The following ZNF30 variants were observed in gnomAD, a reference collection of about 807,000 sequenced individuals.
ZNF30 encodes the protein zinc finger protein 30 (KOX 28).
In ZNF30, 15 loss-of-function variants were observed where a neutral mutation model predicts 13.2. That is an observed-to-expected ratio of 1.13 (90% confidence interval 0.76 to 1.75). The LOEUF is 1.75. ZNF30 is among the 40% of genes most tolerant of loss of function. The probability of loss-of-function intolerance (pLI) is 0.00; values close to 1 mark genes in which losing one functional copy is unlikely to be tolerated. For synonymous variants in ZNF30, 223 were observed against 256.6 expected, an observed-to-expected ratio of 0.87 and a Z score of 1.25; for missense variants, 726 against 757.0, an observed-to-expected ratio of 0.96 and a Z score of 0.48.
chr19:34,930,359 G>A (rs919255961), intron 2 of ZNF30, among the ~76,000 whole-genome samples: 6 of 152,158 alleles, frequency 3.9e-5, no homozygotes, highest in South Asian at 4.1e-4. Context: ...GTATTGATTG[G>A]TCTCAATATG....
Position 34,933,656 on chromosome 19 carries a change from C to A in ZNF30, c.189C>A (p.Ile63=). The A allele has an allele frequency of 6.2e-7, 1 of 1,601,354 alleles. No individual in the cohort carries two copies. Among genetic ancestry groups the A allele is most frequent in the South Asian group, 1.1e-5 (1 of 88,314 alleles). Residue 63 remains isoleucine, a synonymous_variant, in exon 4 of 5, where the codon ATC becomes ATA. Transcript: ENST00000601142. ...MGHSRSKPHV[I]ALLEQWKEPE... is the part of the protein sequence containing the mutation. ...ATTCCCGTTCTAAACCACATGTGAT[C>A]GCCTTATTGGAACAATGGAAAGAGC...
In ZNF30 at chr19:34,944,333, A is replaced by T; in HGVS notation, c.1367A>T (p.Tyr456Phe). The T allele has an allele frequency of 6.2e-7, 1 of 1,614,072 alleles. No homozygotes were observed. The highest frequency in any genetic ancestry group is 8.5e-7 in the Non-Finnish European group (1 of 1,180,004). ...AGGGTTCATACTGGAGAGAAACCCTATGAGTGTAAGGAATGTGGCAAGGCC... is the reference window on the plus strand; with the variant it reads ...AGGGTTCATACTGGAGAGAAACCCTTTGAGTGTAAGGAATGTGGCAAGGCC... The part of the protein sequence containing the change: ...HQRVHTGEKP[Y>F]ECKECGKAFR... The change falls in exon 5 of 5, where the codon TAT (tyrosine) becomes TTT (phenylalanine). Residue 456 changes from tyrosine to phenylalanine, a missense_variant. Physicochemically the swap from Tyr to Phe is conservative, Grantham distance 22. Coordinates refer to ENST00000601142, the MANE Select transcript of ZNF30 (RefSeq NM_194325.3).
rs2151677595 is a variant in ZNF30, at chr19:34,944,358, C to G, written c.1392C>G (p.Ala464=). Reference sequence around the variant, plus strand: ...ATGAGTGTAAGGAATGTGGCAAGGCCTTCAGAGTGCACGTACATCTCACAC... The same window carrying G: ...ATGAGTGTAAGGAATGTGGCAAGGCGTTCAGAGTGCACGTACATCTCACAC... ...KPYECKECGK[A]FRVHVHLTQH... The change falls in exon 5 of 5, where the codon GCC becomes GCG. Residue 464 remains alanine (A), a synonymous_variant. Coordinates refer to ENST00000601142, the MANE Select transcript of ZNF30 (RefSeq NM_194325.3). The G allele has an allele frequency of 6.2e-7, 1 of 1,614,146 alleles. No homozygotes were observed. Among genetic ancestry groups the G allele is most frequent in the East Asian group, 2.2e-5 (1 of 44,876 alleles).
Position 34,933,728 on chromosome 19 carries a change from G to T in ZNF30, c.256+5G>T, listed in dbSNP as rs1238047692. The T allele has an allele frequency of 6.4e-7, 1 of 1,566,234 alleles. No homozygotes were observed. The highest frequency in any genetic ancestry group is 1.9e-5 in the Admixed American group (1 of 53,692). ...ATGGAAGAAGATGGTGCACAGGTGA[G>T]TAAGAGCATGGCAGGTAGGGAGGCC... On this transcript the variant is annotated splice_donor_5th_base_variant and intron_variant, in intron 4 of 4. Coordinates refer to ENST00000601142, the MANE Select transcript of ZNF30 (RefSeq NM_194325.3).
Position 34,943,423 on chromosome 19 carries a change from T to A in ZNF30, c.457T>A (p.Cys153Ser), listed in dbSNP as rs1358297877. ...TGAAAAACCCAACAGATGTAAAGAA[T>A]GTGGGAAGAACTTTAGTAATGGACA... ...SSEKPNRCKE[C>S]GKNFSNGHQL... is the part of the protein sequence containing the mutation. Residue 153 changes from cysteine to serine, a missense_variant, in exon 5 of 5, where the codon TGT becomes AGT. Transcript: ENST00000601142. 1 of 1,613,902 alleles carries A rather than the reference T, an allele frequency of 6.2e-7. No individual in the cohort carries two copies. The highest frequency in any genetic ancestry group is 1.1e-5 in the South Asian group (1 of 91,056).
At chr19:34,941,072 A>G (rs1354372310) in intron 4 of ZNF30, among the ~76,000 whole-genome samples, 1 of 152,222 alleles carries the variant, frequency 6.6e-6, no homozygotes, top group Non-Finnish European at 1.5e-5. Context: ...TAAACAATGT[A>G]TTTTGAACCA....
chr19:34,943,508 G>A lies in ZNF30; in HGVS notation c.542G>A (p.Cys181Tyr), dbSNP rs951193080. 1.2e-6 allele frequency: 2 copies of A among 1,613,588 alleles called. No individual in the cohort carries two copies. Among genetic ancestry groups the A allele is most frequent in the East Asian group, 4.5e-5 (2 of 44,894 alleles). The change falls in exon 5 of 5, where the codon TGT (cysteine) becomes TAT (tyrosine). Residue 181 changes from cysteine (C) to tyrosine (Y), a missense_variant. Transcript: ENST00000601142. ...GAGAAACCCTATAAATATGAAAAATGTGGGAAGGCCTTTATCAGTGGCTCA... is the reference window on the plus strand; with the variant it reads ...GAGAAACCCTATAAATATGAAAAATATGGGAAGGCCTTTATCAGTGGCTCA... Reference protein sequence around the residue: ...VGEKPYKYEKCGKAFISGSAF... With the variant: ...VGEKPYKYEKYGKAFISGSAF...
At chr19:34,941,331 C>T (rs2013036804) in intron 4 of ZNF30, among the ~76,000 whole-genome samples, 1 of 152,210 alleles carries the variant, frequency 6.6e-6, no homozygotes, top group Admixed American at 6.5e-5. Context: ...ATGGCGCGAT[C>T]TTGGCTTACT....
chr19:34,930,043 A>G, intron 2 of ZNF30, 87 bp downstream of exon 2: 1 of 1,331,666 alleles, frequency 7.5e-7, no homozygotes, highest in Non-Finnish European at 1.1e-6. Flanking sequence ...CTTCATCAGA[A>G]TGTACCATCT....
upstream of ZNF30, chr19:34,926,778 T>C (rs1487123839): frequency 1.0e-5 from 4 of 395,430 alleles, no homozygotes; most frequent in Admixed American, 1.8e-4. Context: ...GGCCACCTAC[T>C]TCGGGCCTCA....
intron 4 of ZNF30, chr19:34,942,502 G>A: frequency 2.2e-6 from 1 of 456,488 alleles, no homozygotes; most frequent in South Asian, 2.8e-5. Flanking sequence ...AAAGAATGAA[G>A]TGCTAGAAAG....
Position 34,944,300 on chromosome 19 carries a change from T to C in ZNF30, c.1334T>C (p.Val445Ala), listed in dbSNP as rs2013216890. Residue 445 changes from valine to alanine, a missense_variant, in exon 5 of 5, where the codon GTA (valine) becomes GCA (alanine). Val to Ala is a moderately conservative substitution (Grantham distance 64, BLOSUM62 0). Coordinates refer to ENST00000601142, the MANE Select transcript of ZNF30 (RefSeq NM_194325.3). ...TTTATTAGTCGCCATCAGCTTACCG[T>C]ACATCAAAGGGTTCATACTGGAGAG... ...KAFISRHQLTVHQRVHTGEKP... is the reference protein window; with the variant it reads ...KAFISRHQLTAHQRVHTGEKP... 1.9e-6 allele frequency: 3 copies of C among 1,613,058 alleles called. No individual in the cohort carries two copies. In the African/African-American group the frequency reaches 4.0e-5, roughly 22 times the overall value.
chr19:34,926,745 C>G, upstream of ZNF30: 1 of 393,972 alleles, frequency 2.5e-6, no homozygotes, highest in Non-Finnish European at 4.5e-6. Flanking sequence ...TGTTAATGCC[C>G]TGGGTTGGCC....
At position 34,931,848 on chromosome 19, in the gene ZNF30, T is replaced by A. The variant is rs2012468198; in HGVS notation, c.15T>A (p.Tyr5Ter). 1 of 1,608,126 alleles carries A rather than the reference T, an allele frequency of 6.2e-7. No homozygotes were observed. The highest frequency in any genetic ancestry group is 1.3e-5 in the African/African-American group (1 of 74,632). The change falls in exon 3 of 5, where the codon TAT becomes TAA. Residue 5 changes from tyrosine to a stop codon, truncating the protein, a stop_gained. Coordinates refer to ENST00000601142, the MANE Select transcript of ZNF30 (RefSeq NM_194325.3). LOFTEE classifies it high-confidence loss of function. Reference sequence around the variant, plus strand: ...ATTTTCTTTGATTTTACCAGAAATATGTGGGTTTGCAGTATCACGGATCAG... The same window carrying A: ...ATTTTCTTTGATTTTACCAGAAATAAGTGGGTTTGCAGTATCACGGATCAG... MAHK[Y>*]VGLQYHGSVT...
chr19:34,926,000 C>A (rs2012058426), upstream of ZNF30, among the ~76,000 whole-genome samples: 1 of 152,150 alleles, frequency 6.6e-6, no homozygotes, highest in South Asian at 2.1e-4. Context: ...GGCAAAACCC[C>A]ATTTCTACAA....
At chr19:34,932,326 G>A (rs902623468) in intron 3 of ZNF30, among the ~76,000 whole-genome samples, 31 of 152,034 alleles carry the variant, frequency 2.0e-4, no homozygotes, top group Admixed American at 1.8e-3. Flanking sequence ...CTTATATGCC[G>A]GCGGATTGGA....
chr19:34,941,065 A>G (rs944765069), intron 4 of ZNF30, among the ~76,000 whole-genome samples: 1 of 152,210 alleles, frequency 6.6e-6, no homozygotes, highest in Non-Finnish European at 1.5e-5. Flanking sequence ...CTTTTTCTAA[A>G]CAATGTATTT....
chr19:34,943,360 G>A lies in ZNF30; in HGVS notation c.394G>A (p.Asp132Asn), dbSNP rs750700917. ...GGAATATGGAAAGACCCTTTGTCAA[G>A]ACTCAAAGCCTGTTCAACATGAAAG... is the stretch of plus-strand genomic sequence containing the variant. ...CQEYGKTLCQ[D>N]SKPVQHERIH... Residue 132 changes from aspartate to asparagine, a missense_variant, in exon 5 of 5, where the codon GAC becomes AAC. Transcript: ENST00000601142. 2.0e-5 allele frequency: 33 copies of A among 1,613,790 alleles called. No homozygotes were observed. Among genetic ancestry groups the A allele is most frequent in the Non-Finnish European group, 2.6e-5 (31 of 1,179,892 alleles).
At chr19:34,940,667 C>CAAAAAAAAAAAAAAAA (rs59553578) in intron 4 of ZNF30, among the ~76,000 whole-genome samples, 1 of 63,948 alleles carries the variant, frequency 1.6e-5, no homozygotes, top group Non-Finnish European at 3.3e-5. Context: ...GACTCCGTCT[C>CAAAAAAAAAAAAAAAA]AAAAAAAAAA....
Sources: gnomAD v4.1 joint callset for allele counts (sites outside exome capture counted in the v4.1 genomes callset) on GRCh38, gnomAD v4.1.1 for gene constraint, MANE v1.5 for transcripts, NCBI Gene and HGNC (gene_info 2026-07-23, HGNC 2026-07-21) for gene names.